Variants in MSR1 observed in about 807,000 individuals in gnomAD.
MSR1 encodes the protein macrophage scavenger receptor types I and II.
In MSR1, 53 loss-of-function variants were observed where a neutral mutation model predicts 47.2. The ratio of observed to expected loss-of-function variants is 1.12; its 90% CI spans 0.90 to 1.41. MSR1 has a LOEUF of 1.41. Among genes scored for constraint, MSR1 ranks in the 40% most tolerant of loss-of-function variants. The probability of loss-of-function intolerance (pLI) is 0.00; values close to 1 mark genes in which losing one functional copy is unlikely to be tolerated. For synonymous variants in MSR1, 239 were observed against 185.6 expected (o/e 1.29, Z -2.34); for missense variants, 786 against 546.9 (o/e 1.44, Z -4.36).
intron 7 of MSR1, among the ~76,000 whole-genome samples, chr8:16,149,632 G>A (rs1197460058): frequency 2.6e-5 from 4 of 152,074 alleles, no homozygotes; most frequent in Non-Finnish European, 5.9e-5. Context: ...TTAGGCTACT[G>A]GCAGAGCTGA....
intron 1 of MSR1, among the ~76,000 whole-genome samples, chr8:16,182,697 A>G (rs1801869854): frequency 6.6e-6 from 1 of 152,070 alleles, no homozygotes; most frequent in South Asian, 2.1e-4. Context: ...CTCCCACTGA[A>G]AGATCTTCAG....
chr8:16,127,572 T>A (rs1800157835), intron 8 of MSR1, among the ~76,000 whole-genome samples: 1 of 152,108 alleles, frequency 6.6e-6, no homozygotes. Flanking sequence ...AAGCTCAGGA[T>A]CAAAAGTAGA....
chr8:16,109,851 TA>T lies in MSR1; in HGVS notation c.*233del. 1 of 549,706 alleles carries T rather than the reference TA, an allele frequency of 1.8e-6. No homozygotes were observed. Among genetic ancestry groups the T allele is most frequent in the Non-Finnish European group, 3.2e-6 (1 of 314,494 alleles). 34.1% of individuals were successfully genotyped at this position (549,706 alleles called of 1,614,324 possible). The stretch of plus-strand genomic sequence containing the variant: ...ACTTCAAAATGTTCAATTCAGCATA[TA>T]AGTCATTATATTAGAAAATTCCATT... On this transcript the variant is annotated 3_prime_UTR_variant, in exon 10 of 10. Transcript: ENST00000262101.
intron 8 of MSR1, among the ~76,000 whole-genome samples, chr8:16,141,732 A>C (rs1800562047): frequency 6.6e-6 from 1 of 152,138 alleles, no homozygotes; most frequent in South Asian, 2.1e-4. Context: ...TGTAACTGAA[A>C]ACATTTCTGA....
intron 8 of MSR1, among the ~76,000 whole-genome samples, chr8:16,142,431 T>A (rs1800583782): frequency 6.6e-6 from 1 of 152,032 alleles, no homozygotes; most frequent in Non-Finnish European, 1.5e-5. Context: ...GACAGACAGA[T>A]TAATGTTTCT....
intron 1 of MSR1, among the ~76,000 whole-genome samples, chr8:16,180,249 C>G (rs938721999): frequency 1.3e-5 from 2 of 151,806 alleles, no homozygotes; most frequent in Non-Finnish European, 2.9e-5. Flanking sequence ...GTCCTTGTAC[C>G]TTTTCCAGCA....
At chr8:16,111,243 T>A (rs1563135410) in intron 9 of MSR1, among the ~76,000 whole-genome samples, 1 of 152,180 alleles carries the variant, frequency 6.6e-6, no homozygotes, top group Non-Finnish European at 1.5e-5. Context: ...ATAGTAAGAC[T>A]ATTCCCATGT....
chr8:16,121,093 A>G (rs1799995233), intron 8 of MSR1: 1 of 397,086 alleles, frequency 2.5e-6, no homozygotes, highest in African/African-American at 2.1e-5. Context: ...CAAACTTCAT[A>G]TCTTTTCCCA....
chr8:16,137,159 C>T (rs186357363), intron 8 of MSR1, among the ~76,000 whole-genome samples: 1 of 152,174 alleles, frequency 6.6e-6, no homozygotes, highest in Admixed American at 6.5e-5. Flanking sequence ...TAGCTCTTCC[C>T]CAGGTGCACA....
In MSR1 at chr8:16,177,995, A is replaced by C. The variant is rs1289355088; in HGVS notation, c.-4-3T>G. On this transcript the variant is annotated splice_polypyrimidine_tract_variant and splice_region_variant and intron_variant, in intron 1 of 9. Transcript: ENST00000262101. ...AGTGATCCCACTGCTCCATACTTCT[A>C]TGAAACAAAATGGAAAAATATATTA... 1 of 1,606,338 alleles carries C rather than the reference A, an allele frequency of 6.2e-7. No individual in the cohort carries two copies. The highest frequency in any genetic ancestry group is 1.3e-5 in the African/African-American group (1 of 74,770).
At chr8:16,135,289 T>C (rs774936121) in intron 8 of MSR1, among the ~76,000 whole-genome samples, 2 of 152,106 alleles carry the variant, frequency 1.3e-5, no homozygotes, top group African/African-American at 4.8e-5. Flanking sequence ...TGACTTTAAG[T>C]TGAAGGAAAT....
At chr8:16,118,602 C>T (rs1053504865) in intron 9 of MSR1, among the ~76,000 whole-genome samples, 2 of 151,928 alleles carry the variant, frequency 1.3e-5, no homozygotes, top group African/African-American at 4.8e-5. Context: ...TCACTTGAAC[C>T]CAGGAGGCAG....
In MSR1 at chr8:16,109,885, C is replaced by A; in HGVS notation, c.*200G>T. The A allele has an allele frequency of 1.6e-6, 1 of 640,230 alleles. No homozygotes were observed. Among genetic ancestry groups the A allele is most frequent in the East Asian group, 2.9e-5 (1 of 34,936 alleles). The allele number at this position is 640,230 out of a possible 1,614,324, so 39.7% of individuals were successfully genotyped here. A position where few individuals can be genotyped will look rare whatever the true frequency, so the allele number is the denominator to read the frequency against. On this transcript the variant is annotated 3_prime_UTR_variant, in exon 10 of 10. Coordinates refer to ENST00000262101, the MANE Select transcript of MSR1 (RefSeq NM_138715.3). ...ATATTAGAAAATTCCATTTAAAAACCTATAGAAGTTAAAATGATTTAAATA... is the reference window on the plus strand; with the variant it reads ...ATATTAGAAAATTCCATTTAAAAACATATAGAAGTTAAAATGATTTAAATA...
intron 1 of MSR1, among the ~76,000 whole-genome samples, chr8:16,189,258 T>C (rs1217789837): frequency 1.9e-5 from 2 of 103,118 alleles, no homozygotes; most frequent in African/African-American, 1.1e-4. Context: ...GATATAATCT[T>C]ATTTTATTTA....
At chr8:16,177,622 G>C (rs1801688051) in intron 2 of MSR1, among the ~76,000 whole-genome samples, 1 of 152,012 alleles carries the variant, frequency 6.6e-6, no homozygotes, top group African/African-American at 2.4e-5. Flanking sequence ...ACGGTGCTAG[G>C]ATCATATTTA....
At chr8:16,181,897 T>C (rs1801844477) in intron 1 of MSR1, among the ~76,000 whole-genome samples, 1 of 152,158 alleles carries the variant, frequency 6.6e-6, no homozygotes, top group Non-Finnish European at 1.5e-5. Context: ...AAAAGATGGA[T>C]TCGCAAAAAT....
rs771783766 is a variant in MSR1 at position 16,168,671 on chromosome 8, C to T, written c.417G>A (p.Glu139=). The change falls in exon 4 of 10, where the codon GAG becomes GAA. Residue 139 remains glutamate, a synonymous_variant. Transcript: ENST00000262101. ...LDMEANLMDT[E]HFQNFSMTTD... Reference sequence around the variant, plus strand: ...TTGTCATGCTGAAATTTTGGAAATGCTCTGTGTCCATGAGGTTGGCTTCCA... The same window carrying T: ...TTGTCATGCTGAAATTTTGGAAATGTTCTGTGTCCATGAGGTTGGCTTCCA... The T allele has an allele frequency of 1.2e-6, 2 of 1,614,034 alleles. No individual in the cohort carries two copies. Among genetic ancestry groups the T allele is most frequent in the Admixed American group, 1.7e-5 (1 of 59,996 alleles).
At chr8:16,111,325 T>A (rs146416997) in intron 9 of MSR1, among the ~76,000 whole-genome samples, 281 of 152,298 alleles carry the variant, frequency 1.8e-3, no homozygotes, top group African/African-American at 6.0e-3. Context: ...ATTTATAAAT[T>A]GTATAAACAA....
intron 5 of MSR1, among the ~76,000 whole-genome samples, chr8:16,158,388 T>C (rs1201120976): frequency 6.6e-6 from 1 of 151,998 alleles, no homozygotes; most frequent in Non-Finnish European, 1.5e-5. Context: ...TAATCATCAA[T>C]ATCATAGAAC....
Sources: allele counts gnomAD v4.1 joint callset (sites outside exome capture counted in the v4.1 genomes callset), GRCh38; gene constraint gnomAD v4.1.1; transcripts MANE v1.5; gene names NCBI Gene and HGNC (gene_info 2026-07-23, HGNC 2026-07-21).